The following ABLIM1 variants were observed in gnomAD, a reference collection of about 807,000 sequenced individuals.
ABLIM1 encodes the protein actin-binding LIM protein 1.
ABLIM1 carries 40 observed loss-of-function variants against 107.0 expected under a neutral mutation model. That is an observed-to-expected ratio of 0.37 (90% confidence interval 0.29 to 0.49). The LOEUF (loss-of-function observed/expected upper bound fraction) is 0.49. ABLIM1 is among the 20% of genes least tolerant of loss of function. The pLI, the probability that ABLIM1 is intolerant of heterozygous loss-of-function variation, is 0.97. For synonymous variants in ABLIM1, 357 were observed against 357.3 expected, an observed-to-expected ratio of 1.00 and a Z score of 0.01; for missense variants, 857 against 1,008.5, an observed-to-expected ratio of 0.85 and a Z score of 2.04.
intron 1 of ABLIM1, among the ~76,000 whole-genome samples, chr10:114,630,575 A>G (rs2078109989): frequency 6.6e-6 from 1 of 152,234 alleles, no homozygotes; most frequent in African/African-American, 2.4e-5. Flanking sequence ...TACACTGTTA[A>G]GCTCTCAGGA....
chr10:114,505,472 T>C (rs2060997459), intron 6 of ABLIM1, among the ~76,000 whole-genome samples: 1 of 152,222 alleles, frequency 6.6e-6, no homozygotes, highest in Admixed American at 6.5e-5. Context: ...CCAGCTGCTC[T>C]GAGGGAATCA....
At chr10:114,750,756 T>A (rs1199166034) in intron 1 of ABLIM1, among the ~76,000 whole-genome samples, 2 of 152,352 alleles carry the variant, frequency 1.3e-5, no homozygotes, top group East Asian at 3.9e-4. Context: ...AAGTCTTATT[T>A]TATAGATTTC....
intron 1 of ABLIM1, among the ~76,000 whole-genome samples, chr10:114,749,767 T>C (rs911699593): frequency 8.5e-5 from 13 of 152,190 alleles, no homozygotes; most frequent in Admixed American, 2.0e-4. Context: ...CCAAGCACAT[T>C]CCCAACTCAG....
At chr10:114,757,988 T>C (rs1242023879) in intron 1 of ABLIM1, among the ~76,000 whole-genome samples, 1 of 151,972 alleles carries the variant, frequency 6.6e-6, no homozygotes. Context: ...GAATTGCTCA[T>C]CTCACTGCCT....
chr10:114,544,570 C>T (rs2067082109), intron 6 of ABLIM1, among the ~76,000 whole-genome samples: 1 of 152,148 alleles, frequency 6.6e-6, no homozygotes, highest in Non-Finnish European at 1.5e-5. Flanking sequence ...TCTACCTTTC[C>T]CCCACCCTTC....
chr10:114,791,454 T>G, the ABLIM1 span, among the ~76,000 whole-genome samples: 1 of 151,900 alleles, frequency 6.6e-6, no homozygotes, highest in Admixed American at 6.6e-5. Flanking sequence ...CTGGCTAACA[T>G]GGTGAAACCC....
At chr10:114,790,515 A>G in the ABLIM1 span, among the ~76,000 whole-genome samples, 1 of 152,246 alleles carries the variant, frequency 6.6e-6, no homozygotes, top group Non-Finnish European at 1.5e-5. Context: ...TCAAGGCCCT[A>G]TGGAATACAA....
intron 10 of ABLIM1, among the ~76,000 whole-genome samples, 199 bp downstream of exon 10, chr10:114,472,778 T>A (rs1362161849): frequency 6.6e-6 from 1 of 151,646 alleles, no homozygotes; most frequent in African/African-American, 2.4e-5. Context: ...TTCACTGTTG[T>A]TTGATGTGCC....
intron 8 of ABLIM1, 130 bp downstream of exon 8, chr10:114,487,828 G>T: frequency 8.6e-7 from 1 of 1,159,622 alleles, no homozygotes; most frequent in South Asian, 1.3e-5. Flanking sequence ...AATGGCCTTT[G>T]AACTTAGTTT....
chr10:114,656,068 C>A (rs2079497707), intron 1 of ABLIM1, among the ~76,000 whole-genome samples: 1 of 151,992 alleles, frequency 6.6e-6, no homozygotes, highest in African/African-American at 2.4e-5. Context: ...GTCAGGAGTT[C>A]CAGACCAGCC....
Position 114,437,341 on chromosome 10 carries a change from C to T in ABLIM1, c.2223+503G>A, listed in dbSNP as rs539762621. Among the ~76,000 whole-genome samples the T allele has an allele frequency of 8.7e-4, 121 of 138,314 alleles. No homozygotes were observed. In the South Asian group the frequency reaches 0.012, roughly 14 times the overall value. The allele number at this position is 138,314 out of a possible 152,430, so 90.7% of individuals were successfully genotyped here. ...TCTTTCTTTTTTTTTTTTTTTTAGA[C>T]GGAGTCAGGCTCTGTTGCCCAAGCT... On this transcript the variant is annotated intron_variant, in intron 22 of 22. Transcript: ENST00000533213.
chr10:114,741,751 T>A (rs1255173664), intron 1 of ABLIM1, among the ~76,000 whole-genome samples: 1 of 152,210 alleles, frequency 6.6e-6, no homozygotes, highest in Non-Finnish European at 1.5e-5. Flanking sequence ...TTATGACTAA[T>A]CAAAATCCTG....
chr10:114,668,026 G>A (rs550182482), intron 1 of ABLIM1, among the ~76,000 whole-genome samples: 3 of 152,156 alleles, frequency 2.0e-5, no homozygotes, highest in South Asian at 2.1e-4. Context: ...TGACTGGGAG[G>A]GGGTGTGGTT....
the ABLIM1 span, among the ~76,000 whole-genome samples, chr10:114,787,376 C>A: frequency 6.6e-6 from 1 of 151,498 alleles, no homozygotes; most frequent in Admixed American, 6.6e-5. Flanking sequence ...CGTCTCCACC[C>A]GGCAGCCACC....
At chr10:114,741,998 A>C (rs187541922) in intron 1 of ABLIM1, among the ~76,000 whole-genome samples, 96 of 152,326 alleles carry the variant, frequency 6.3e-4, no homozygotes, top group African/African-American at 2.3e-3. Context: ...CCATAACAAA[A>C]CATAAGTACA....
intron 1 of ABLIM1, among the ~76,000 whole-genome samples, chr10:114,704,328 ATATATATT>A (rs2081374022): frequency 2.4e-5 from 2 of 82,388 alleles, no homozygotes; most frequent in African/African-American, 9.7e-5. Flanking sequence ...ATATATATAT[ATATATATT>A]GCGCGCGTTA....
chr10:114,624,454 T>C (rs1379605768), intron 1 of ABLIM1, among the ~76,000 whole-genome samples: 3 of 152,222 alleles, frequency 2.0e-5, no homozygotes, highest in Non-Finnish European at 4.4e-5. Flanking sequence ...AGAAACTCTC[T>C]GTGATGCAAC....
intron 1 of ABLIM1, among the ~76,000 whole-genome samples, chr10:114,735,473 CTGT>C (rs113379079): frequency 0.055 from 8,357 of 152,168 alleles, 345 homozygotes; most frequent in African/African-American, 0.12. Flanking sequence ...CTGGGTTTTG[CTGT>C]TGTTGTTGTT....
chr10:114,796,505 TA>T, the ABLIM1 span, among the ~76,000 whole-genome samples: 1 of 152,154 alleles, frequency 6.6e-6, no homozygotes, highest in East Asian at 1.9e-4. Flanking sequence ...CACTAGCCTT[TA>T]AACCTAATCT....
Sources: allele counts gnomAD v4.1 joint callset (sites outside exome capture counted in the v4.1 genomes callset), GRCh38; gene constraint gnomAD v4.1.1; transcripts MANE v1.5; gene names NCBI Gene and HGNC (gene_info 2026-07-23, HGNC 2026-07-21).